Variants in ZNF398 observed in about 807,000 individuals in gnomAD.
ZNF398 encodes the protein zinc finger DNA binding protein ZER6.
A neutral mutation model predicts 41.9 loss-of-function variants in ZNF398; 18 were observed. That is an observed-to-expected ratio of 0.43 (90% confidence interval 0.30 to 0.64). The LOEUF (loss-of-function observed/expected upper bound fraction) is 0.64. ZNF398 is among the 30% of genes least tolerant of loss of function. The pLI is 0.14. For synonymous variants in ZNF398, 260 were observed against 308.8 expected, an observed-to-expected ratio of 0.84 and a Z score of 1.66; for missense variants, 669 against 822.8, an observed-to-expected ratio of 0.81 and a Z score of 2.29.
chr7:149,134,734 T>G (rs1194047474), intron 2 of ZNF398, among the ~76,000 whole-genome samples: 1 of 152,204 alleles, frequency 6.6e-6, no homozygotes, highest in Non-Finnish European at 1.5e-5. Context: ...TTCAGCACTT[T>G]TATTTTTATG....
chr7:149,157,972 C>A (rs1022164792), intron 2 of ZNF398, among the ~76,000 whole-genome samples: 2 of 152,008 alleles, frequency 1.3e-5, no homozygotes, highest in African/African-American at 4.8e-5. Flanking sequence ...CCTGTAGCTA[C>A]TCGGGAGGCT....
exon 1 of ZNF398, chr7:149,126,450 T>C (rs1826478991): frequency 3.0e-6 from 2 of 664,544 alleles, no homozygotes; most frequent in Middle Eastern, 4.3e-4. Flanking sequence ...GCACCCTCCG[T>C]GCGGGCCGCA....
intron 4 of ZNF398, among the ~76,000 whole-genome samples, chr7:149,168,101 T>G (rs1246033914): frequency 6.6e-6 from 1 of 152,126 alleles, no homozygotes. Flanking sequence ...ATTTTGGAGA[T>G]GGAGTCTCAC....
intron 4 of ZNF398, among the ~76,000 whole-genome samples, chr7:149,167,142 C>G (rs1170458781): frequency 6.6e-6 from 1 of 152,234 alleles, no homozygotes; most frequent in Non-Finnish European, 1.5e-5. Flanking sequence ...CTAACAGTTA[C>G]AAGTTGCATT....
chr7:149,141,308 T>G lies in ZNF398; in HGVS notation c.-490+12364T>G, dbSNP rs1826818518. The stretch of plus-strand genomic sequence containing the variant: ...TCTAATCCACAGACTTTTTTTTTTT[T>G]TTTTGAGACAGAGTTTCGCTCTTGT... On this transcript the variant is annotated intron_variant, in intron 2 of 6. Coordinates refer to the ZNF398 transcript ENST00000426851. Among the ~76,000 whole-genome samples the G allele has an allele frequency of 3.3e-5, 5 of 149,966 alleles. No homozygotes were observed. In the Admixed American group the frequency reaches 3.3e-4, roughly 10 times the overall value.
At chr7:149,148,343 C>G (rs1827014981) in intron 1 of ZNF398, 1 of 752,320 alleles carries the variant, frequency 1.3e-6, no homozygotes, top group Non-Finnish European at 1.6e-6. Context: ...CGGGTGTTTG[C>G]CAAGGCCTGC....
intron 1 of ZNF398, among the ~76,000 whole-genome samples, chr7:149,152,042 A>G (rs1051825733): frequency 6.6e-6 from 1 of 151,904 alleles, no homozygotes; most frequent in African/African-American, 2.4e-5. Flanking sequence ...GTGAAACCCC[A>G]TCTCTACTAA....
chr7:149,144,878 C>T (rs58402386), upstream of ZNF398, among the ~76,000 whole-genome samples: 7,022 of 152,150 alleles, frequency 0.046, 523 homozygotes, highest in African/African-American at 0.16. Flanking sequence ...CGTGAGTCAC[C>T]GTGCCCGGCT....
intron 1 of ZNF398, among the ~76,000 whole-genome samples, chr7:149,127,892 A>G (rs937962034): frequency 6.6e-6 from 1 of 152,100 alleles, no homozygotes; most frequent in African/African-American, 2.4e-5. Context: ...CATTTGCTTT[A>G]TGGTCACTCC....
intron 2 of ZNF398, among the ~76,000 whole-genome samples, chr7:149,163,194 TTTTG>T (rs199552384): frequency 1.6e-5 from 2 of 128,574 alleles, no homozygotes; most frequent in African/African-American, 5.7e-5. Context: ...AAAATACCTG[TTTTG>T]TTTGTTTGTT....
chr7:149,142,918 A>G (rs183580036), upstream of ZNF398, among the ~76,000 whole-genome samples: 22 of 152,316 alleles, frequency 1.4e-4, no homozygotes, highest in Non-Finnish European at 2.8e-4. Context: ...GCACAAGCAC[A>G]CTATAGTTTG....
intron 2 of ZNF398, among the ~76,000 whole-genome samples, chr7:149,160,579 A>G (rs1795088132): frequency 1.3e-5 from 2 of 152,158 alleles, no homozygotes; most frequent in South Asian, 4.1e-4. Context: ...TGCCAGCCCC[A>G]TGTCTTGTCC....
chr7:149,134,430 C>G (rs963764027), intron 2 of ZNF398, among the ~76,000 whole-genome samples: 1 of 151,854 alleles, frequency 6.6e-6, no homozygotes, highest in South Asian at 2.1e-4. Context: ...TTCTGTTGCC[C>G]AGGCTGGAGT....
chr7:149,138,845 G>C (rs1585505204), intron 2 of ZNF398, among the ~76,000 whole-genome samples: 2 of 151,884 alleles, frequency 1.3e-5, no homozygotes, highest in South Asian at 4.2e-4. Flanking sequence ...AACCTCTGGG[G>C]TTCAATTGAT....
In ZNF398 at chr7:149,166,258, G is replaced by A; in HGVS notation, c.521G>A (p.Gly174Asp). 6.2e-7 allele frequency: 1 copy of A among 1,614,050 alleles called. No homozygotes were observed. The highest frequency in any genetic ancestry group is 8.5e-7 in the Non-Finnish European group (1 of 1,180,004). The change falls in exon 3 of 6, where the codon GGC (glycine) becomes GAC (aspartate). Residue 174 changes from glycine to aspartate, a missense_variant. By Grantham distance (94) the Gly-to-Asp change is moderately conservative. Coordinates refer to ENST00000475153, the MANE Select transcript of ZNF398 (RefSeq NM_170686.3). The stretch of plus-strand genomic sequence containing the variant: ...GAACTTTACAAGAATATCATGAAGG[G>A]CAACTACGAGTCTCTCATCTCCATG... ...QKELYKNIMK[G>D]NYESLISMDY...
intron 2 of ZNF398, among the ~76,000 whole-genome samples, chr7:149,155,734 T>TTTTTTTTTTTTTTTTA (rs1794962115): frequency 9.0e-6 from 1 of 110,656 alleles, no homozygotes; most frequent in Non-Finnish European, 1.7e-5. Context: ...TTTTTTAATT[T>TTTTTTTTTTTTTTTTA]TTTTTTTTTT....
intron 4 of ZNF398, among the ~76,000 whole-genome samples, chr7:149,173,093 A>ATTTTTTT (rs71192762): frequency 9.2e-5 from 6 of 64,966 alleles, no homozygotes; most frequent in African/African-American, 1.2e-4. Flanking sequence ...GGCAATTTCT[A>ATTTTTTT]TTTTTTTTTT....
chr7:149,172,113 C>G (rs753505065), intron 4 of ZNF398, among the ~76,000 whole-genome samples: 1 of 152,164 alleles, frequency 6.6e-6, no homozygotes, highest in Non-Finnish European at 1.5e-5. Context: ...TAGGTACAGC[C>G]AACCACTCAT....
chr7:149,159,754 A>T (rs1585525343), intron 2 of ZNF398, among the ~76,000 whole-genome samples: 1 of 151,066 alleles, frequency 6.6e-6, no homozygotes, highest in African/African-American at 2.4e-5. Flanking sequence ...ATGGAGTCTC[A>T]CTCTGTCTCT....
Sources: gnomAD v4.1 joint callset for allele counts (sites outside exome capture counted in the v4.1 genomes callset) on GRCh38, gnomAD v4.1.1 for gene constraint, MANE v1.5 for transcripts, NCBI Gene and HGNC (gene_info 2026-07-23, HGNC 2026-07-21) for gene names.